The following NCKAP5 variants were observed in gnomAD, a reference collection of about 807,000 sequenced individuals.
The protein encoded by NCKAP5 is nck-associated protein 5.
Under a neutral mutation model 167.0 loss-of-function variants are expected in NCKAP5, and 92 were observed. That is an observed-to-expected ratio of 0.55 (90% CI 0.47 to 0.66). The LOEUF (loss-of-function observed/expected upper bound fraction) is 0.66, where lower values mean the gene tolerates loss of function less well. Ranked by LOEUF, NCKAP5 falls within the 30% of genes least tolerant of loss-of-function variation. NCKAP5 has a pLI of 0.00. For missense variants in NCKAP5, 2,378 were observed against 2,315.0 expected (o/e 1.03, Z -0.56); for synonymous variants, 891 against 877.4 (o/e 1.02, Z -0.27).
At chr2:133,415,561 G>A (rs1689058753) in intron 3 of NCKAP5, among the ~76,000 whole-genome samples, 1 of 152,204 alleles carries the variant, frequency 6.6e-6, no homozygotes, top group African/African-American at 2.4e-5. Context: ...GATAATACAT[G>A]TATAGGTCAA....
At chr2:133,017,217 T>C (rs968298966) in intron 6 of NCKAP5, among the ~76,000 whole-genome samples, 27 of 152,240 alleles carry the variant, frequency 1.8e-4, no homozygotes, top group African/African-American at 6.5e-4. Context: ...TCTTTGTTCT[T>C]CCTATGTTTT....
chr2:132,796,925 G>A (rs1684653887), intron 11 of NCKAP5, among the ~76,000 whole-genome samples, 196 bp from the exon 12 acceptor site: 1 of 152,092 alleles, frequency 6.6e-6, no homozygotes, highest in African/African-American at 2.4e-5. Context: ...ATTACATTTT[G>A]TAAACAATAG....
At chr2:133,573,722 T>C in the NCKAP5 span, among the ~76,000 whole-genome samples, 1 of 152,186 alleles carries the variant, frequency 6.6e-6, no homozygotes, top group Non-Finnish European at 1.5e-5. Flanking sequence ...AGATTGACAT[T>C]TTTAACTTCT....
chr2:133,490,941 G>A (rs1221695822), intron 3 of NCKAP5, among the ~76,000 whole-genome samples: 1 of 152,224 alleles, frequency 6.6e-6, no homozygotes, highest in Non-Finnish European at 1.5e-5. Context: ...CCCTCAAGGA[G>A]AGATCTAAAG....
chr2:132,905,504 A>AT (rs1185840159), intron 8 of NCKAP5, among the ~76,000 whole-genome samples: 10 of 152,002 alleles, frequency 6.6e-5, no homozygotes, highest in Non-Finnish European at 8.8e-5. Context: ...AATTCTACTG[A>AT]TTTTTTCTAC....
the NCKAP5 span, among the ~76,000 whole-genome samples, chr2:133,580,718 C>T: frequency 2.0e-5 from 3 of 152,222 alleles, no homozygotes; most frequent in Non-Finnish European, 4.4e-5. Context: ...ACGCAGTGCA[C>T]AGGTCCTCAG....
chr2:132,715,874 T>G (rs1308372676), intron 19 of NCKAP5, among the ~76,000 whole-genome samples: 8 of 152,198 alleles, frequency 5.3e-5, no homozygotes, highest in Non-Finnish European at 1.0e-4. Flanking sequence ...TGCTGTCATA[T>G]TTTGGCACAA....
upstream of NCKAP5, among the ~76,000 whole-genome samples, chr2:133,571,961 G>T (rs1047390910): frequency 5.4e-5 from 8 of 148,752 alleles, no homozygotes; most frequent in African/African-American, 2.0e-4. Flanking sequence ...GGCAACAAGA[G>T]TGAAACTCCA....
At chr2:132,747,677 A>C (rs1679768659) in intron 16 of NCKAP5, among the ~76,000 whole-genome samples, 1 of 143,388 alleles carries the variant, frequency 7.0e-6, no homozygotes, top group Non-Finnish European at 1.5e-5. Flanking sequence ...GCTCTGTGCA[A>C]ATGCATTTGA....
intron 5 of NCKAP5, among the ~76,000 whole-genome samples, chr2:133,201,592 T>A (rs574983854): frequency 1.3e-5 from 2 of 152,314 alleles, no homozygotes; most frequent in South Asian, 4.1e-4. Flanking sequence ...GAGAATTTAT[T>A]GTGGTGATAA....
chr2:132,679,297 G>A (rs1684896608), intron 19 of NCKAP5, among the ~76,000 whole-genome samples: 1 of 152,156 alleles, frequency 6.6e-6, no homozygotes. Flanking sequence ...ATTCCAGAGG[G>A]AGACTAGGAA....
intron 3 of NCKAP5, among the ~76,000 whole-genome samples, chr2:133,341,732 G>A (rs911217253): frequency 1.3e-5 from 2 of 152,036 alleles, no homozygotes; most frequent in African/African-American, 2.4e-5. Context: ...CTTTGTACCC[G>A]TATCTCTCCA....
intron 19 of NCKAP5, among the ~76,000 whole-genome samples, chr2:132,716,762 G>A (rs1304777779): frequency 3.9e-5 from 6 of 152,106 alleles, no homozygotes; most frequent in Admixed American, 1.3e-4. Flanking sequence ...CTGCTCTTTC[G>A]ACAGGAGGGT....
At chr2:132,773,697 G>A in intron 16 of NCKAP5, 119 bp downstream of exon 16, 1 of 797,136 alleles carries the variant, frequency 1.3e-6, no homozygotes, top group South Asian at 1.9e-5. Flanking sequence ...AACCATGTGT[G>A]AATAGTTAAC....
intron 5 of NCKAP5, among the ~76,000 whole-genome samples, chr2:133,203,477 C>A (rs1473857853): frequency 6.6e-6 from 1 of 152,004 alleles, no homozygotes; most frequent in Non-Finnish European, 1.5e-5. Context: ...CAACATGGTA[C>A]ATGTATACAT....
At chr2:133,032,657 C>A (rs540801148) in intron 6 of NCKAP5, among the ~76,000 whole-genome samples, 6 of 152,222 alleles carry the variant, frequency 3.9e-5, no homozygotes, top group Middle Eastern at 3.4e-3. Context: ...AGGTCTCGGG[C>A]GAGACCCAGT....
At chr2:133,084,139 C>T (rs1326381119) in intron 6 of NCKAP5, among the ~76,000 whole-genome samples, 1 of 152,074 alleles carries the variant, frequency 6.6e-6, no homozygotes, top group Non-Finnish European at 1.5e-5. Context: ...TTGGAGAACT[C>T]ACACATTATC....
chr2:133,022,387 C>T (rs2078557559), intron 6 of NCKAP5, among the ~76,000 whole-genome samples: 1 of 152,114 alleles, frequency 6.6e-6, no homozygotes, highest in Non-Finnish European at 1.5e-5. Flanking sequence ...AATGCCATTC[C>T]AAAATATGCT....
At chr2:133,647,376 A>AAGGAAGGAAGAAAGGAAGG in the NCKAP5 span, among the ~76,000 whole-genome samples, 593 of 82,518 alleles carry the variant, frequency 7.2e-3, 33 homozygotes, top group East Asian at 0.065. Context: ...AGGAAGAAAG[A>AAGGAAGGAAGAAAGGAAGG]AAGGAAGGAA....
Sources: gnomAD v4.1 joint callset for allele counts (sites outside exome capture counted in the v4.1 genomes callset) on GRCh38, gnomAD v4.1.1 for gene constraint, MANE v1.5 for transcripts, NCBI Gene and HGNC (gene_info 2026-07-23, HGNC 2026-07-21) for gene names.